The following KCNC2 variants were observed in gnomAD, a reference collection of about 807,000 sequenced individuals.
The protein encoded by KCNC2 is voltage-gated potassium channel KCNC2.
KCNC2 carries 21 observed loss-of-function variants against 44.5 expected under a neutral mutation model. The ratio of observed to expected loss-of-function variants is 0.47; its 90% CI spans 0.33 to 0.68. The LOEUF (loss-of-function observed/expected upper bound fraction) is 0.68, where lower values mean the gene tolerates loss of function less well. Ranked by LOEUF, KCNC2 falls within the 30% of genes least tolerant of loss-of-function variation. The pLI, the probability that KCNC2 is intolerant of heterozygous loss-of-function variation, is 0.01. For missense variants in KCNC2, 589 were observed against 826.2 expected, an observed-to-expected ratio of 0.71 and a Z score of 3.52; for synonymous variants, 391 against 339.1, an observed-to-expected ratio of 1.15 and a Z score of -1.68.
In KCNC2 at chr12:75,042,339, G is replaced by T. The variant is rs1171927506; in HGVS notation, c.*766C>A. ...TAAGTAAGAGATCTGGCCTCGGCTT[G>T]CGTGTAACCAGTAATGACAACCTCT... On this transcript the variant is annotated 3_prime_UTR_variant, in exon 5 of 5. Coordinates refer to ENST00000549446, the MANE Select transcript of KCNC2 (RefSeq NM_139137.4). 2 of 1,611,966 alleles carry T rather than the reference G, an allele frequency of 1.2e-6. No homozygotes were observed. The highest frequency in any genetic ancestry group is 1.7e-5 in the Admixed American group (1 of 59,818).
At chr12:75,206,723 C>A (rs1053899921) in intron 2 of KCNC2, among the ~76,000 whole-genome samples, 1 of 152,192 alleles carries the variant, frequency 6.6e-6, no homozygotes, top group African/African-American at 2.4e-5. Context: ...GCCCAAACAA[C>A]GTTCTGGAGA....
At chr12:75,154,076 C>A (rs1362657662) in intron 2 of KCNC2, among the ~76,000 whole-genome samples, 4 of 151,904 alleles carry the variant, frequency 2.6e-5, no homozygotes, top group Non-Finnish European at 5.9e-5. Flanking sequence ...TTTGTTAGTA[C>A]AATATATCTC....
Position 75,207,791 on chromosome 12 carries a change from G to T in KCNC2, c.193C>A (p.Pro65Thr), listed in dbSNP as rs1376050572. The T allele has an allele frequency of 1.9e-5, 30 of 1,593,652 alleles. No homozygotes were observed. Among genetic ancestry groups the T allele is most frequent in the Non-Finnish European group, 2.3e-5 (27 of 1,171,792 alleles). ...CCGGGGGACAGCGGGGGCGCTCTCGGCGGCGGCGACAGTGGAGGCGGCGAC... is the reference window on the plus strand; with the variant it reads ...CCGGGGGACAGCGGGGGCGCTCTCGTCGGCGGCGACAGTGGAGGCGGCGAC... The part of the protein sequence containing the change: ...QPSPPPLSPP[P>T]RAPPLSPGPG... Residue 65 changes from proline to threonine, a missense_variant, in exon 2 of 5, where the codon CCG (proline) becomes ACG (threonine). Coordinates refer to ENST00000549446, the MANE Select transcript of KCNC2 (RefSeq NM_139137.4). This position sits in a 1 kb window ranked among gnomAD's most constrained non-coding sequence, Gnocchi z 4.1.
intron 2 of KCNC2, among the ~76,000 whole-genome samples, chr12:75,151,059 A>C (rs1890358341): frequency 6.6e-6 from 1 of 151,940 alleles, no homozygotes; most frequent in Non-Finnish European, 1.5e-5. Flanking sequence ...TTTTTGCCTG[A>C]AGTCAAAAGA....
At chr12:75,173,899 C>A (rs1484377927) in intron 2 of KCNC2, among the ~76,000 whole-genome samples, 3 of 151,832 alleles carry the variant, frequency 2.0e-5, no homozygotes, top group Non-Finnish European at 4.4e-5. Context: ...GATTTCTTCA[C>A]CAATGAAACT....
intron 2 of KCNC2, among the ~76,000 whole-genome samples, chr12:75,151,034 T>C (rs1890355553): frequency 6.6e-6 from 1 of 151,922 alleles, no homozygotes; most frequent in Non-Finnish European, 1.5e-5. Flanking sequence ...TCAAAAATGA[T>C]TTTTATCTTA....
intron 4 of KCNC2, chr12:75,043,934 A>G (rs1880198887): frequency 1.9e-6 from 1 of 538,598 alleles, no homozygotes; most frequent in Non-Finnish European, 3.1e-6. Context: ...TCCACCCCCG[A>G]CCTTCCCACC....
At position 75,194,396 on chromosome 12, in the gene KCNC2, A is replaced by G. The variant is rs530615162; in HGVS notation, c.687+12901T>C. 3.9e-5 allele frequency among the ~76,000 whole-genome samples: 6 copies of G among 152,288 alleles called. No homozygotes were observed. The South Asian group carries it at 1.0e-3, about 26-fold the overall frequency. On this transcript the variant is annotated intron_variant, in intron 2 of 4. Coordinates refer to ENST00000549446, the MANE Select transcript of KCNC2 (RefSeq NM_139137.4). Reference sequence around the variant, plus strand: ...AGAATTGCAACCACCAGAAGCTAGCACTGAGTCATGAAACAGATTATCTTT... The same window carrying G: ...AGAATTGCAACCACCAGAAGCTAGCGCTGAGTCATGAAACAGATTATCTTT...
At chr12:75,175,480 A>G (rs927289671) in intron 2 of KCNC2, among the ~76,000 whole-genome samples, 5 of 152,010 alleles carry the variant, frequency 3.3e-5, no homozygotes, top group African/African-American at 1.2e-4. Context: ...CTTGCCCAGG[A>G]CATGACAGAA....
chr12:75,205,963 A>C (rs1189964602), intron 2 of KCNC2, among the ~76,000 whole-genome samples: 1 of 151,524 alleles, frequency 6.6e-6, no homozygotes, highest in Admixed American at 6.6e-5. Flanking sequence ...GTATGCAGGC[A>C]TGTTAGAATT....
In KCNC2 at chr12:75,101,017, A is replaced by C. The variant is rs79108569; in HGVS notation, c.688-49700T>G. On this transcript the variant is annotated intron_variant, in intron 2 of 4. Coordinates refer to ENST00000549446, the MANE Select transcript of KCNC2 (RefSeq NM_139137.4). ...TCATATCTGTTACAAGGGTATTGAT[A>C]AATTTAAATTAGTAAGTTTCAACTG... Among the ~76,000 whole-genome samples the C allele has an allele frequency of 3.4e-3, 516 of 152,168 alleles. 2 individuals carry two copies. The highest frequency in any genetic ancestry group is 0.012 in the African/African-American group (481 of 41,564).
chr12:75,081,531 A>T (rs1380519982), intron 2 of KCNC2, among the ~76,000 whole-genome samples: 4 of 151,496 alleles, frequency 2.6e-5, no homozygotes, highest in African/African-American at 9.7e-5. Flanking sequence ...TGTTCTACGG[A>T]TTTACAGCTC....
chr12:75,086,985 T>A (rs895339603), intron 2 of KCNC2, among the ~76,000 whole-genome samples: 9 of 151,966 alleles, frequency 5.9e-5, no homozygotes, highest in African/African-American at 2.2e-4. Context: ...TCATCAAATA[T>A]TTTCTATGTA....
chr12:75,140,661 A>G (rs1889583164), intron 2 of KCNC2, among the ~76,000 whole-genome samples: 1 of 152,134 alleles, frequency 6.6e-6, no homozygotes, highest in South Asian at 2.1e-4. Context: ...GAAAAACCAA[A>G]ACGCAGGCAG....
At chr12:75,072,794 G>T (rs1369689058) in intron 2 of KCNC2, among the ~76,000 whole-genome samples, 1 of 152,014 alleles carries the variant, frequency 6.6e-6, no homozygotes, top group Non-Finnish European at 1.5e-5. Flanking sequence ...TTTCAGTAAA[G>T]GTTCTTGAAC....
intron 2 of KCNC2, among the ~76,000 whole-genome samples, chr12:75,056,466 G>C (rs937680643): frequency 1.3e-5 from 2 of 151,774 alleles, no homozygotes; most frequent in Non-Finnish European, 2.9e-5. Flanking sequence ...TTTTACATAA[G>C]TTGCATTATT....
At chr12:75,092,043 A>G (rs1885526787) in intron 2 of KCNC2, among the ~76,000 whole-genome samples, 1 of 151,622 alleles carries the variant, frequency 6.6e-6, no homozygotes, top group African/African-American at 2.4e-5. Flanking sequence ...CTCAAAATGT[A>G]CTTTCTGGGC....
chr12:75,143,233 C>T (rs1232764199), intron 2 of KCNC2, among the ~76,000 whole-genome samples: 1 of 152,090 alleles, frequency 6.6e-6, no homozygotes, highest in Non-Finnish European at 1.5e-5. Context: ...GGGAGTTGAC[C>T]TCGGCGATCT....
chr12:75,161,735 T>C (rs980947567), intron 2 of KCNC2, among the ~76,000 whole-genome samples: 1 of 151,864 alleles, frequency 6.6e-6, no homozygotes, highest in East Asian at 1.9e-4. Flanking sequence ...TTCAGAGTCA[T>C]GCAACACTGC....
Sources: gnomAD v4.1 joint callset for allele counts (sites outside exome capture counted in the v4.1 genomes callset) on GRCh38, gnomAD v4.1.1 for gene constraint, Gnocchi (gnomAD v3.1) non-coding constraint, MANE v1.5 for transcripts, NCBI Gene and HGNC (gene_info 2026-07-23, HGNC 2026-07-21) for gene names.